The following DNAH1 variants were observed in gnomAD, a reference collection of about 807,000 sequenced individuals.
DNAH1 encodes axonemal beta dynein heavy chain 1.
A neutral mutation model predicts 484.3 loss-of-function variants in DNAH1; 327 were observed. That is an observed-to-expected ratio of 0.68 (90% CI 0.62 to 0.74). DNAH1 has a LOEUF of 0.74. Ranked by LOEUF, DNAH1 falls within the 30% of genes least tolerant of loss-of-function variation. The pLI is 0.00. For synonymous variants in DNAH1, 2,192 were observed against 2,191.9 expected, an observed-to-expected ratio of 1.00 and a Z score of 0.00; for missense variants, 5,052 against 5,546.8, an observed-to-expected ratio of 0.91 and a Z score of 2.83.
At chr3:52,326,007 A>G in intron 3 of DNAH1, 133 bp from the exon 4 acceptor site, 1 of 891,590 alleles carries the variant, frequency 1.1e-6, no homozygotes, top group Non-Finnish European at 1.6e-6. Context: ...GCCACTGCCC[A>G]GCCACAGGCA....
At chr3:52,372,630 G>A (rs950649036) in intron 43 of DNAH1, among the ~76,000 whole-genome samples, 19 of 152,232 alleles carry the variant, frequency 1.2e-4, no homozygotes, top group Non-Finnish European at 1.8e-4. Context: ...CTTGGACAGG[G>A]CCCTGGGTCT....
rs199502930 is a variant in DNAH1, at chr3:52,356,676, C to A, written c.3756C>A (p.Ser1252Arg). The A allele has an allele frequency of 6.2e-7, 1 of 1,613,946 alleles. No homozygotes were observed. Among genetic ancestry groups the A allele is most frequent in the Non-Finnish European group, 8.5e-7 (1 of 1,179,898 alleles). ...RSWLYLEPIF[S>R]SEDINQQLPV... ...GGCTCTACCTGGAGCCCATCTTTAG[C>A]TCTGAGGACATCAACCAGCAGCTGC... Residue 1252 changes from serine to arginine, a missense_variant, in exon 22 of 78, where the codon AGC (serine) becomes AGA (arginine). Ser to Arg is a moderately radical substitution (Grantham distance 110). Coordinates refer to ENST00000420323, the MANE Select transcript of DNAH1 (RefSeq NM_015512.5).
intron 74 of DNAH1, 76 bp from the exon 75 acceptor site, chr3:52,397,956 A>AC: frequency 1.9e-6 from 3 of 1,578,964 alleles, no homozygotes; most frequent in East Asian, 4.5e-5. Context: ...TGTGGGAAGG[A>AC]CCCCTATGCA....
In DNAH1 at chr3:52,364,212, CATG is replaced by C. The variant is rs1048622062; in HGVS notation, c.5245-425_5245-423del. 6.6e-6 allele frequency among the ~76,000 whole-genome samples: 1 copy of C among 152,172 alleles called. No individual in the cohort carries two copies. The highest frequency in any genetic ancestry group is 2.4e-5 in the African/African-American group (1 of 41,430). Reference sequence around the variant, plus strand: ...AAGAGAAACAGGCTGGGGGAAAAAGCATGGTGGTGTGGCCAGAAAGACGGGTCT... The same window carrying C: ...AAGAGAAACAGGCTGGGGGAAAAAGCGTGGTGTGGCCAGAAAGACGGGTCT... On this transcript the variant is annotated intron_variant, in intron 32 of 77. Coordinates refer to ENST00000420323, the MANE Select transcript of DNAH1 (RefSeq NM_015512.5). This position sits in a 1 kb window ranked among gnomAD's most constrained non-coding sequence, Gnocchi z 4.2.
chr3:52,332,261 A>T lies in DNAH1; in HGVS notation c.1153A>T (p.Thr385Ser). The part of the protein sequence containing the change: ...VVQANALRKN[T>S]EALLLYNLYV... ...CCAGGCCAACGCCCTGCGCAAGAAC[A>T]CGGAAGCACTGCTGCTCTACAACTT... is the stretch of plus-strand genomic sequence containing the variant. The change falls in exon 8 of 78, where the codon ACG (threonine) becomes TCG (serine). Residue 385 changes from threonine (T) to serine (S), a missense_variant. Transcript: ENST00000420323. 1 of 1,614,046 alleles carries T rather than the reference A, an allele frequency of 6.2e-7. No homozygotes were observed. The highest frequency in any genetic ancestry group is 8.5e-7 in the Non-Finnish European group (1 of 1,179,898).
chr3:52,327,963 A>G lies in DNAH1; in HGVS notation c.820A>G (p.Lys274Glu). The stretch of plus-strand genomic sequence containing the variant: ...CTTGGAGCCAGGGTCTCTGGACAGG[A>G]AACCTGTCCCGGGAAAAGCCCTCTT... Reference protein sequence around the residue: ...MGLEPGSLDRKPVPGKALLPT... With the variant: ...MGLEPGSLDREPVPGKALLPT... Residue 274 changes from lysine to glutamate, a missense_variant, in exon 6 of 78, where the codon AAA (lysine) becomes GAA (glutamate). By Grantham distance (56) the Lys-to-Glu change is moderately conservative. Coordinates refer to ENST00000420323, the MANE Select transcript of DNAH1 (RefSeq NM_015512.5). The G allele has an allele frequency of 6.2e-7, 1 of 1,613,964 alleles. No individual in the cohort carries two copies. Among genetic ancestry groups the G allele is most frequent in the Non-Finnish European group, 8.5e-7 (1 of 1,179,838 alleles).
rs779545800 is a variant in DNAH1, at chr3:52,395,581, TAG to T, written c.11167_11168del (p.Arg3723GlyfsTer61). 1.9e-6 allele frequency: 3 copies of T among 1,613,746 alleles called. No individual in the cohort carries two copies. The highest frequency in any genetic ancestry group is 2.5e-6 in the Non-Finnish European group (3 of 1,179,892). On this transcript the variant is annotated frameshift_variant, in exon 70 of 78. Transcript: ENST00000420323. LOFTEE classifies it high-confidence loss of function. This position sits in a 1 kb window ranked among gnomAD's most constrained non-coding sequence, Gnocchi z 4.4. ...GCAGAAGCCATGATGCGCAGCTCCA[TAG>T]AGAGGGGCAAATGGGTCTTCTTCCA...
chr3:52,340,301 C>T (rs944682630), intron 8 of DNAH1, among the ~76,000 whole-genome samples: 12 of 151,732 alleles, frequency 7.9e-5, no homozygotes, highest in African/African-American at 2.7e-4. Flanking sequence ...AGGCTGGTCT[C>T]GAATTCCTGG....
Position 52,369,897 on chromosome 3 carries a change from G to A in DNAH1, c.6016G>A (p.Val2006Met), listed in dbSNP as rs776963000. 6 of 1,613,990 alleles carry A rather than the reference G, an allele frequency of 3.7e-6. No homozygotes were observed. The South Asian group carries it at 6.6e-5, about 18-fold the overall frequency. Residue 2006 changes from valine to methionine, a missense_variant, in exon 38 of 78, where the codon GTG becomes ATG. Around this residue, in one of 4 missense-constraint regions of DNAH1, gnomAD observed 2,929 missense variants for 3,409.4 expected, o/e 0.86. Transcript: ENST00000420323. The stretch of plus-strand genomic sequence containing the variant: ...AGCTACAGTCTCCCGCTGTGGCATG[G>A]TGTACCTGGAGCCCAGCATCCTGGG... ...SPATVSRCGMVYLEPSILGLM... is the reference protein window; with the variant it reads ...SPATVSRCGMMYLEPSILGLM...
chr3:52,350,727 GCCA>G, intron 16 of DNAH1, 137 bp downstream of exon 16: 4 of 859,482 alleles, frequency 4.7e-6, no homozygotes, highest in Non-Finnish European at 7.5e-6. Context: ...GATTTCAGAG[GCCA>G]GGGCTCCACA....
At chr3:52,400,143 C>G (rs1214227180) in intron 77 of DNAH1, among the ~76,000 whole-genome samples, 182 bp from the exon 78 acceptor site, 1 of 152,208 alleles carries the variant, frequency 6.6e-6, no homozygotes, top group African/African-American at 2.4e-5. Flanking sequence ...TCTTCAGTCC[C>G]CAATACAGTA....
chr3:52,388,946 T>C lies in DNAH1; in HGVS notation c.9495+9T>C. ...ACCTGGGCCCCTTCACGGTAAGAAG[T>C]CCCCACCTCTGTCTCTGACCAGCCT... On this transcript the variant is annotated intron_variant, in intron 59 of 77. Coordinates refer to ENST00000420323, the MANE Select transcript of DNAH1 (RefSeq NM_015512.5). 1 of 1,584,240 alleles carries C rather than the reference T, an allele frequency of 6.3e-7. No homozygotes were observed. The highest frequency in any genetic ancestry group is 8.6e-7 in the Non-Finnish European group (1 of 1,161,998).
intron 75 of DNAH1, 59 bp from the exon 76 acceptor site, chr3:52,398,791 C>A: frequency 7.3e-7 from 1 of 1,374,548 alleles, no homozygotes; most frequent in Non-Finnish European, 9.7e-7. Flanking sequence ...AGCTGCGGAG[C>A]ATAGCTACTG....
chr3:52,313,374 C>A (rs1276004807), upstream of DNAH1, among the ~76,000 whole-genome samples: 1 of 152,014 alleles, frequency 6.6e-6, no homozygotes, highest in Non-Finnish European at 1.5e-5. Flanking sequence ...AGGTAGATGC[C>A]CCTCCTCCTC....
Position 52,361,765 on chromosome 3 carries a change from G to A in DNAH1, c.4979G>A (p.Arg1660Gln), listed in dbSNP as rs769975705. 10 of 1,599,390 alleles carry A rather than the reference G, an allele frequency of 6.3e-6. No individual in the cohort carries two copies. The highest frequency in any genetic ancestry group is 1.7e-4 in the Middle Eastern group (1 of 6,050). The change falls in exon 30 of 78, where the codon CGG becomes CAG. Residue 1660 changes from arginine to glutamine, a missense_variant and splice_region_variant. By Grantham distance (43) the Arg-to-Gln change is conservative. Transcript: ENST00000420323. The surrounding 1 kb of genome is among the most constrained non-coding windows in gnomAD (Gnocchi z 5.6). The stretch of plus-strand genomic sequence containing the variant: ...ACCATCCAGAAGGCGCAGCAGCAGC[G>A]GGTGAGCCCGGGGGACCCACCTTAC... The part of the protein sequence containing the change: ...ITTIQKAQQQ[R>Q]VERFMFEGVE...
At chr3:52,334,715 C>T (rs1030929929) in intron 8 of DNAH1, among the ~76,000 whole-genome samples, 1 of 152,142 alleles carries the variant, frequency 6.6e-6, no homozygotes, top group Non-Finnish European at 1.5e-5. Context: ...ATCGCCTGAA[C>T]CTGGGAGGCA....
chr3:52,357,945 C>T lies in DNAH1; in HGVS notation c.4028C>T (p.Thr1343Ile), dbSNP rs1476992337. Reference protein sequence around the residue: ...DDELLEILSQTKDPTAVQPHL... With the variant: ...DDELLEILSQIKDPTAVQPHL... ...GAACTACTAGAGATCTTGTCGCAGA[C>T]AAAGGACCCCACGGCCGTGCAGCCA... Residue 1343 changes from threonine to isoleucine, a missense_variant, in exon 24 of 78, where the codon ACA (threonine) becomes ATA (isoleucine). Thr to Ile is a moderately conservative substitution (Grantham distance 89). Transcript: ENST00000420323. 6.2e-7 allele frequency: 1 copy of T among 1,613,244 alleles called. No individual in the cohort carries two copies. Among genetic ancestry groups the T allele is most frequent in the Middle Eastern group, 1.7e-4 (1 of 6,060 alleles).
At position 52,372,209 on chromosome 3, in the gene DNAH1, C is replaced by T. The variant is rs766001191; in HGVS notation, c.6667-18C>T. On this transcript the variant is annotated intron_variant, in intron 42 of 77. Transcript: ENST00000420323. The stretch of plus-strand genomic sequence containing the variant: ...ACCAGGCCCACCGCATGCTCCTGTG[C>T]CATCCCCGCTCTGCCAGGTGCTGTG... 1.2e-5 allele frequency: 19 copies of T among 1,613,068 alleles called. No individual in the cohort carries two copies. In the East Asian group the frequency reaches 3.8e-4, roughly 32 times the overall value.
chr3:52,372,573 A>C (rs544391522), intron 43 of DNAH1, among the ~76,000 whole-genome samples, 186 bp downstream of exon 43: 9 of 152,340 alleles, frequency 5.9e-5, no homozygotes, highest in African/African-American at 2.2e-4. Flanking sequence ...TGTATCAAAA[A>C]TTCCTACAAA....
Sources: gnomAD v4.1 joint callset for allele counts (sites outside exome capture counted in the v4.1 genomes callset) on GRCh38, gnomAD v4.1.1 for gene constraint, gnomAD v4.1.1 regional missense constraint, Gnocchi (gnomAD v3.1) non-coding constraint, MANE v1.5 for transcripts, NCBI Gene and HGNC (gene_info 2026-07-23, HGNC 2026-07-21) for gene names.